The following FNBP1 variants were observed in gnomAD, a reference collection of about 807,000 sequenced individuals.
FNBP1 encodes formin binding protein 1.
A neutral mutation model predicts 90.6 loss-of-function variants in FNBP1; 26 were observed. The ratio of observed to expected loss-of-function variants is 0.29; its 90% CI spans 0.21 to 0.40. FNBP1 has a LOEUF of 0.40. Ranked by LOEUF, FNBP1 falls within the 10% of genes least tolerant of loss-of-function variation. The pLI is 1.00. For missense variants in FNBP1, 635 were observed against 768.0 expected (o/e 0.83, Z 2.05); for synonymous variants, 260 against 265.2 (o/e 0.98, Z 0.19).
chr9:130,031,000 T>C (rs1281557840), intron 1 of FNBP1, among the ~76,000 whole-genome samples: 2 of 152,078 alleles, frequency 1.3e-5, no homozygotes, highest in African/African-American at 4.8e-5. Context: ...CTATATTTGA[T>C]TTACCCCACA....
intron 2 of FNBP1, among the ~76,000 whole-genome samples, chr9:129,986,736 G>C (rs1263598840): frequency 6.6e-6 from 1 of 152,030 alleles, no homozygotes; most frequent in Non-Finnish European, 1.5e-5. Flanking sequence ...CTTGCAGTGA[G>C]CTGAGATCAC....
At chr9:129,893,878 C>T (rs1368555285) in intron 16 of FNBP1, among the ~76,000 whole-genome samples, 6 of 145,656 alleles carry the variant, frequency 4.1e-5, no homozygotes, top group African/African-American at 1.0e-4. Flanking sequence ...ATTGTGCCAC[C>T]GCACTCCATC....
intron 8 of FNBP1, among the ~76,000 whole-genome samples, chr9:129,926,962 C>G (rs936890445): frequency 6.6e-6 from 1 of 151,268 alleles, no homozygotes; most frequent in East Asian, 1.9e-4. Context: ...AAGCCTTTAC[C>G]TTTTTTCCAG....
rs2133287894 is a variant in FNBP1 at position 129,972,752 on chromosome 9, C to G, written c.345+5713G>C. ...TCGCCATGTTGGCAAGGCTGGTCTT[C>G]AACTCCTGGCCTCAGGTGATCTGCC... On this transcript the variant is annotated intron_variant, in intron 4 of 16. Coordinates refer to ENST00000446176, the MANE Select transcript of FNBP1 (RefSeq NM_015033.3). Among the ~76,000 whole-genome samples the G allele has an allele frequency of 1.3e-5, 2 of 152,192 alleles. 1 individual carries two copies. The highest frequency in any genetic ancestry group is 4.8e-5 in the African/African-American group (2 of 41,546).
chr9:130,003,762 A>G (rs780893393), intron 1 of FNBP1, among the ~76,000 whole-genome samples: 1 of 151,438 alleles, frequency 6.6e-6, no homozygotes, highest in African/African-American at 2.4e-5. Context: ...GCTCTACTAA[A>G]AATACAAAAA....
chr9:130,017,200 G>A (rs1244313940), intron 1 of FNBP1, among the ~76,000 whole-genome samples: 1 of 152,120 alleles, frequency 6.6e-6, no homozygotes, highest in Non-Finnish European at 1.5e-5. Flanking sequence ...GCAAAAAAAA[G>A]CTAAAAGTCT....
At chr9:129,928,632 G>C (rs2042265337) in intron 7 of FNBP1, among the ~76,000 whole-genome samples, 1 of 150,842 alleles carries the variant, frequency 6.6e-6, no homozygotes, top group Non-Finnish European at 1.5e-5. Context: ...CTGCATTCCA[G>C]CCTGGGTGAC....
At chr9:130,048,505 T>TTTTTTTTTTTTTAAG in the FNBP1 span, among the ~76,000 whole-genome samples, 1 of 146,780 alleles carries the variant, frequency 6.8e-6, no homozygotes, top group South Asian at 2.2e-4. Context: ...TTTTTTTTTT[T>TTTTTTTTTTTTTAAG]GAGACGGAGT....
At chr9:129,997,861 C>A (rs28627965) in intron 1 of FNBP1, among the ~76,000 whole-genome samples, 8 of 151,808 alleles carry the variant, frequency 5.3e-5, no homozygotes, top group African/African-American at 1.5e-4. Context: ...AAAACAAAAA[C>A]CAAAAACATA....
intron 4 of FNBP1, among the ~76,000 whole-genome samples, chr9:129,977,226 C>T (rs902674065): frequency 2.6e-5 from 4 of 152,040 alleles, no homozygotes; most frequent in Middle Eastern, 3.4e-3. Context: ...TTTTTCCGCA[C>T]TTCACATGCA....
intron 6 of FNBP1, among the ~76,000 whole-genome samples, chr9:129,932,735 G>A (rs754881790): frequency 1.3e-5 from 2 of 152,056 alleles, no homozygotes; most frequent in South Asian, 2.1e-4. Context: ...ATGCCTTGGC[G>A]TCTGCTTCTT....
At chr9:129,912,517 C>T (rs1390968417) in intron 11 of FNBP1, among the ~76,000 whole-genome samples, 3 of 151,712 alleles carry the variant, frequency 2.0e-5, no homozygotes, top group Admixed American at 6.6e-5. Flanking sequence ...GGAAAAACCC[C>T]GTCTCTACTA....
intron 4 of FNBP1, among the ~76,000 whole-genome samples, chr9:129,969,743 T>TA (rs1175379349): frequency 2.7e-5 from 4 of 150,836 alleles, no homozygotes; most frequent in Non-Finnish European, 5.9e-5. Context: ...GCCCTATCCC[T>TA]AAAAAAAATT....
At chr9:129,975,526 C>T (rs184268870) in intron 4 of FNBP1, among the ~76,000 whole-genome samples, 64 of 152,022 alleles carry the variant, frequency 4.2e-4, no homozygotes, top group African/African-American at 1.3e-3. Context: ...GAACTAAATC[C>T]GAAATACAGA....
intron 2 of FNBP1, among the ~76,000 whole-genome samples, chr9:129,985,274 G>A (rs1003010718): frequency 1.4e-5 from 2 of 144,772 alleles, no homozygotes; most frequent in Non-Finnish European, 3.1e-5. Flanking sequence ...GCTCACGTTA[G>A]AAACAAACAC....
rs1254779995 is a variant in FNBP1 at position 129,900,068 on chromosome 9, C to T, written c.1584G>A (p.Gln528=). The part of the protein sequence containing the change: ...PDGSYTEEQS[Q]ESEMKVLATD... Reference sequence around the variant, plus strand: ...TGGCCAGCACCTTCATCTCACTCTCCTGACTCTGCTCCTCTGTGTAACTGC... The same window carrying T: ...TGGCCAGCACCTTCATCTCACTCTCTTGACTCTGCTCCTCTGTGTAACTGC... Residue 528 remains glutamine (Q), a synonymous_variant, in exon 15 of 17, where the codon CAG becomes CAA. Transcript: ENST00000446176. The surrounding 1 kb of genome is among the most constrained non-coding windows in gnomAD (Gnocchi z 4.1). 1.9e-6 allele frequency: 3 copies of T among 1,613,280 alleles called. No homozygotes were observed. Among genetic ancestry groups the T allele is most frequent in the Non-Finnish European group, 2.5e-6 (3 of 1,179,660 alleles).
intron 9 of FNBP1, among the ~76,000 whole-genome samples, chr9:129,924,555 CA>C (rs1441730292): frequency 6.6e-6 from 1 of 152,184 alleles, no homozygotes; most frequent in Non-Finnish European, 1.5e-5. Flanking sequence ...CATGGGTACA[CA>C]TGTTAACATG....
chr9:129,923,705 GT>G (rs1304998991), intron 10 of FNBP1, 138 bp downstream of exon 10: 2 of 938,436 alleles, frequency 2.1e-6, no homozygotes, highest in Non-Finnish European at 2.9e-6. Flanking sequence ...AGCTATAATG[GT>G]TTTTGTTTTT....
In FNBP1 at chr9:129,957,090, T is replaced by C. The variant is rs1011447924; in HGVS notation, c.513+270A>G. Among the ~76,000 whole-genome samples the C allele has an allele frequency of 2.0e-5, 3 of 149,700 alleles. No homozygotes were observed. Among genetic ancestry groups the C allele is most frequent in the Admixed American group, 1.4e-4 (2 of 14,796 alleles). On this transcript the variant is annotated intron_variant, in intron 6 of 16. Transcript: ENST00000446176. The surrounding 1 kb of genome is among the most constrained non-coding windows in gnomAD (Gnocchi z 4.3). ...TTCGCTCTTGTTACCCAGGCTGGAG[T>C]GCAGTGGCGTGATCTTGGCTCACTG... is the stretch of plus-strand genomic sequence containing the variant.
Sources: gnomAD v4.1 joint callset for allele counts (sites outside exome capture counted in the v4.1 genomes callset) on GRCh38, gnomAD v4.1.1 for gene constraint, Gnocchi (gnomAD v3.1) non-coding constraint, MANE v1.5 for transcripts, NCBI Gene and HGNC (gene_info 2026-07-23, HGNC 2026-07-21) for gene names.